The following WSCD2 variants were observed in gnomAD, a reference collection of about 807,000 sequenced individuals.
The protein encoded by WSCD2 is sialate:O-sulfotransferase 2.
A neutral mutation model predicts 55.7 loss-of-function variants in WSCD2; 28 were observed. The observed-to-expected ratio is 0.50, with a 90% CI of 0.37 to 0.69. The LOEUF is 0.69. Ranked by LOEUF, WSCD2 falls within the 30% of genes least tolerant of loss-of-function variation. The pLI is 0.00. For missense variants in WSCD2, 616 were observed against 762.1 expected (o/e 0.81, Z 2.26); for synonymous variants, 301 against 301.9 (o/e 1.00, Z 0.03).
intron 7 of WSCD2, among the ~76,000 whole-genome samples, chr12:108,238,876 G>C (rs1008838514): frequency 1.3e-5 from 2 of 152,210 alleles, no homozygotes; most frequent in African/African-American, 4.8e-5. Context: ...GGCTCTGCCT[G>C]TTCCATAGCT....
intron 1 of WSCD2, among the ~76,000 whole-genome samples, chr12:108,138,902 G>A (rs1386971931): frequency 1.3e-5 from 2 of 152,220 alleles, no homozygotes; most frequent in African/African-American, 4.8e-5. Flanking sequence ...CAACTTGATA[G>A]ACCTGGGTAG....
intron 4 of WSCD2, among the ~76,000 whole-genome samples, chr12:108,217,509 C>T (rs1486929356): frequency 6.6e-6 from 1 of 152,168 alleles, no homozygotes. Flanking sequence ...AGTGGAGAGC[C>T]ACCTGCAGAG....
intron 3 of WSCD2, among the ~76,000 whole-genome samples, chr12:108,208,653 A>C (rs1276490245): frequency 1.3e-5 from 2 of 152,160 alleles, no homozygotes; most frequent in Admixed American, 6.5e-5. Flanking sequence ...GTACAAAGGG[A>C]GTATCAGGAG....
At chr12:108,230,497 C>T (rs1488846793) in intron 6 of WSCD2, among the ~76,000 whole-genome samples, 1 of 152,222 alleles carries the variant, frequency 6.6e-6, no homozygotes, top group Non-Finnish European at 1.5e-5. Flanking sequence ...CTCAGGCTGT[C>T]ATCGCTGCTT....
intron 2 of WSCD2, among the ~76,000 whole-genome samples, chr12:108,203,664 C>T (rs1055380893): frequency 2.6e-5 from 4 of 152,218 alleles, no homozygotes; most frequent in African/African-American, 9.7e-5. Flanking sequence ...GACATGCCCA[C>T]ATACATCTTT....
intron 1 of WSCD2, among the ~76,000 whole-genome samples, chr12:108,183,376 G>A (rs1882052743): frequency 6.6e-6 from 1 of 152,184 alleles, no homozygotes; most frequent in Non-Finnish European, 1.5e-5. Flanking sequence ...GATAGGGCTG[G>A]TTAACTCTGT....
rs561580339 is a variant in WSCD2, at chr12:108,179,731, G to C, written c.-551-15551G>C. On this transcript the variant is annotated intron_variant, in intron 1 of 8. Transcript: ENST00000547525. ...TCCCTCTGGAGCCACACAGCCCTAG[G>C]TTGAAATTCCAGCTCTGCCACTTAT... is the stretch of plus-strand genomic sequence containing the variant. 9.2e-5 allele frequency among the ~76,000 whole-genome samples: 14 copies of C among 152,336 alleles called. No homozygotes were observed. The East Asian group carries it at 2.1e-3, about 23-fold the overall frequency.
At chr12:108,173,636 T>C (rs1219637918) in intron 1 of WSCD2, among the ~76,000 whole-genome samples, 5 of 152,100 alleles carry the variant, frequency 3.3e-5, no homozygotes, top group Admixed American at 6.5e-5. Flanking sequence ...GGATGCTGAA[T>C]GAGGCTCTGC....
rs1883888436 is a variant in WSCD2 at position 108,196,119 on chromosome 12, A to G, written c.287A>G (p.Lys96Arg). The change falls in exon 2 of 9, where the codon AAG (lysine) becomes AGG (arginine). Residue 96 changes from lysine (K) to arginine (R), a missense_variant. Transcript: ENST00000547525. ...AGGTACGGACCCTGGTTCAAGGGCA[A>G]GGATGGGAATGAGAGAGCCAAGCTT... ...ARRYGPWFKG[K>R]DGNERAKLGD... is the part of the protein sequence containing the mutation. 1.2e-6 allele frequency: 2 copies of G among 1,614,182 alleles called. No individual in the cohort carries two copies. The highest frequency in any genetic ancestry group is 1.1e-5 in the South Asian group (1 of 91,074).
intron 1 of WSCD2, among the ~76,000 whole-genome samples, chr12:108,155,545 G>A (rs1297824835): frequency 6.6e-6 from 1 of 152,162 alleles, no homozygotes; most frequent in Non-Finnish European, 1.5e-5. Context: ...GCTTATGACT[G>A]GAAGACCCCA....
rs117246015 is a variant in WSCD2, at chr12:108,199,680, T to G, written c.382+3466T>G. 4.7e-3 allele frequency among the ~76,000 whole-genome samples: 713 copies of G among 152,310 alleles called. 3 individuals are homozygous for G. The highest frequency in any genetic ancestry group is 7.5e-3 in the Non-Finnish European group (508 of 68,038). On this transcript the variant is annotated intron_variant, in intron 2 of 8. Coordinates refer to ENST00000547525, the MANE Select transcript of WSCD2 (RefSeq NM_014653.4). ...TGCTGTTCAAAGCATTTACATCTAT[T>G]ACATCACATAATCTTCATAGTAATG...
At chr12:108,238,101 C>T (rs574220213) in intron 7 of WSCD2, among the ~76,000 whole-genome samples, 11 of 152,326 alleles carry the variant, frequency 7.2e-5, no homozygotes, top group South Asian at 4.1e-4. Context: ...ATACATGACA[C>T]GAAATTATAT....
At chr12:108,132,817 T>C (rs1875741557) in intron 1 of WSCD2, among the ~76,000 whole-genome samples, 1 of 152,228 alleles carries the variant, frequency 6.6e-6, no homozygotes, top group Non-Finnish European at 1.5e-5. Flanking sequence ...CATACAGCCA[T>C]GTGAGTGTGA....
Position 108,248,025 on chromosome 12 carries a change from G to A in WSCD2, c.1380G>A (p.Trp460Ter), listed in dbSNP as rs1890207094. ...AGTTCGTGAGGAACTATGCCCCGTG[G>A]TGGGCCACTCACACACTGGACTGGC... ...WPEFVRNYAPWWATHTLDWLK... is the reference protein window; with the variant it reads ...WPEFVRNYAP Residue 460 changes from tryptophan (W) to a stop codon, truncating the protein, a stop_gained, in exon 9 of 9, where the codon TGG (tryptophan) becomes TGA (stop). Transcript: ENST00000547525. LOFTEE classifies it high-confidence loss of function. The surrounding 1 kb of genome is among the most constrained non-coding windows in gnomAD (Gnocchi z 4.3). The A allele has an allele frequency of 6.2e-7, 1 of 1,614,114 alleles. No individual in the cohort carries two copies. The highest frequency in any genetic ancestry group is 2.2e-5 in the East Asian group (1 of 44,870).
At chr12:108,148,261 C>T (rs1006735678) in intron 1 of WSCD2, among the ~76,000 whole-genome samples, 67 of 152,200 alleles carry the variant, frequency 4.4e-4, no homozygotes, top group Non-Finnish European at 8.1e-4. Flanking sequence ...CGAACACCCC[C>T]TGAGGTGGGG....
intron 1 of WSCD2, among the ~76,000 whole-genome samples, chr12:108,173,810 C>CTCTCTGTGCCCTG (rs376999073): frequency 7.6e-6 from 1 of 131,144 alleles, no homozygotes; most frequent in Non-Finnish European, 1.6e-5. Context: ...TCCTGGCTCT[C>CTCTCTGTGCCCTG]TGTGTGTGTG....
At chr12:108,175,349 C>T (rs991873201) in intron 1 of WSCD2, among the ~76,000 whole-genome samples, 2 of 152,104 alleles carry the variant, frequency 1.3e-5, no homozygotes, top group Admixed American at 6.5e-5. Flanking sequence ...GCACAGAGAC[C>T]CCAGGGTTCC....
intron 7 of WSCD2, among the ~76,000 whole-genome samples, chr12:108,239,833 C>T (rs536683461): frequency 1.1e-4 from 16 of 152,318 alleles, no homozygotes; most frequent in African/African-American, 3.8e-4. Flanking sequence ...CCCGCTTCAG[C>T]CCCCCAAGTG....
chr12:108,143,052 G>A lies in WSCD2; in HGVS notation c.-552+13126G>A, dbSNP rs886611488. On this transcript the variant is annotated intron_variant, in intron 1 of 8. Transcript: ENST00000547525. Reference sequence around the variant, plus strand: ...TGGTCTCAAACTCCTCGCCTCAAGCGATCCTCCCACCTTGGCCTTTCAAAG... The same window carrying A: ...TGGTCTCAAACTCCTCGCCTCAAGCAATCCTCCCACCTTGGCCTTTCAAAG... Among the ~76,000 whole-genome samples the A allele has an allele frequency of 5.3e-5, 8 of 152,170 alleles. No homozygotes were observed. In the East Asian group the frequency reaches 9.6e-4, roughly 18 times the overall value.
Sources: gnomAD v4.1 joint callset for allele counts (sites outside exome capture counted in the v4.1 genomes callset) on GRCh38, gnomAD v4.1.1 for gene constraint, Gnocchi (gnomAD v3.1) non-coding constraint, MANE v1.5 for transcripts, NCBI Gene and HGNC (gene_info 2026-07-23, HGNC 2026-07-21) for gene names.